The following EIF2S3 variants were observed in gnomAD, a reference collection of about 807,000 sequenced individuals.
The protein encoded by EIF2S3 is eukaryotic translation initiation factor 2 subunit 3.
A neutral mutation model predicts 31.7 loss-of-function variants in EIF2S3; 2 were observed. The observed-to-expected ratio is 0.06, with a 90% CI of 0.03 to 0.20. EIF2S3 has a LOEUF of 0.20. EIF2S3 is among the 10% of genes least tolerant of loss of function. The pLI is 1.00. For missense variants in EIF2S3, 96 were observed against 359.3 expected (o/e 0.27, Z 5.92); for synonymous variants, 120 against 126.7 (o/e 0.95, Z 0.36).
In EIF2S3 at chrX:24,074,862, C is replaced by CTTTT. The variant is rs758813480; in HGVS notation, c.1355+1617_1355+1620dup. The stretch of plus-strand genomic sequence containing the variant: ...GTACTCATCATTTTTTTTTCTTCTT[C>CTTTT]TTTTTTTTTTTTTTTTTTTTTGAGA... On this transcript the variant is annotated intron_variant, in intron 11 of 11. Coordinates refer to ENST00000253039, the MANE Select transcript of EIF2S3 (RefSeq NM_001415.4). Among the ~76,000 whole-genome samples the CTTTT allele has an allele frequency of 3.7e-3, 177 of 47,417 alleles. 5 individuals are homozygous for CTTTT. The highest frequency in any genetic ancestry group is 5.0e-3 in the Admixed American group (12 of 2,397). 41.2% of individuals were successfully genotyped at this position (47,417 alleles called of 115,157 possible). A position where few individuals can be genotyped will look rare whatever the true frequency, so the allele number is the denominator to read the frequency against.
chrX:24,054,965 C>T lies in EIF2S3; in HGVS notation c.-4C>T, dbSNP rs1004074111. On this transcript the variant is annotated 5_prime_UTR_variant, in exon 1 of 12. Coordinates refer to ENST00000253039, the MANE Select transcript of EIF2S3 (RefSeq NM_001415.4). ...CGGGGTGATTTCCTTCCTCTTTTGGCAACATGGCGGGCGGAGAAGCTGGAG... is the reference window on the plus strand; with the variant it reads ...CGGGGTGATTTCCTTCCTCTTTTGGTAACATGGCGGGCGGAGAAGCTGGAG... 3.3e-6 allele frequency: 4 copies of T among 1,209,789 alleles called. No homozygotes were observed. The highest frequency in any genetic ancestry group is 4.5e-6 in the Non-Finnish European group (4 of 895,104).
In EIF2S3 at chrX:24,054,996, C is replaced by T. The variant is rs148505917; in HGVS notation, c.28C>T (p.Leu10=). 2.5e-4 allele frequency: 303 copies of T among 1,209,117 alleles called. No homozygotes were observed. Among genetic ancestry groups the T allele is most frequent in the Middle Eastern group, 1.6e-3 (7 of 4,365 alleles). Residue 10 remains leucine, a synonymous_variant, in exon 1 of 12, where the codon CTA becomes TTA. Transcript: ENST00000253039. MAGGEAGVT[L]GQPHLSRQDL... The stretch of plus-strand genomic sequence containing the variant: ...GGCGGGCGGAGAAGCTGGAGTGACT[C>T]TAGGGCAGCCGCATCTTTCGCGTCA...
chrX:24,071,479 T>C, intron 9 of EIF2S3, 79 bp from the exon 10 acceptor site: 1 of 1,068,475 alleles, frequency 9.4e-7, no homozygotes. Flanking sequence ...TGTGAGCCAC[T>C]GCACCTGGCC....
chrX:24,068,460 T>G (rs75242771), intron 9 of EIF2S3, among the ~76,000 whole-genome samples: 2 of 110,879 alleles, frequency 1.8e-5, no homozygotes, highest in Non-Finnish European at 3.8e-5. Context: ...TTTTTTTTTT[T>G]GGGAGATGGA....
intron 4 of EIF2S3, 54 bp downstream of exon 4, chrX:24,057,808 T>C: frequency 8.8e-7 from 1 of 1,138,531 alleles, no homozygotes; most frequent in Non-Finnish European, 1.2e-6. Flanking sequence ...GTCTTCTGTT[T>C]TGTGCTTTTT....
At position 24,078,170 on chromosome X, in the gene EIF2S3, C is replaced by T. The variant is rs748006785; in HGVS notation, c.*1385C>T. ...CCTCCCATGTAGCTGATATTACAGG[C>T]ACTTGCCACCATACCCGGCTAATTT... is the stretch of plus-strand genomic sequence containing the variant. On this transcript the variant is annotated 3_prime_UTR_variant, in exon 12 of 12. Transcript: ENST00000253039. Among the ~76,000 whole-genome samples, 9 of 110,460 alleles carry T rather than the reference C, an allele frequency of 8.1e-5. No homozygotes were observed. The highest frequency in any genetic ancestry group is 3.9e-4 in the South Asian group (1 of 2,590).
Position 24,076,926 on chromosome X carries a change from C to CTTTTTTTT in EIF2S3, c.*155_*162dup, listed in dbSNP as rs879230822. 9.5e-4 allele frequency: 171 copies of CTTTTTTTT among 179,900 alleles called. 4 individuals are homozygous for CTTTTTTTT. The highest frequency in any genetic ancestry group is 8.6e-3 in the African/African-American group (159 of 18,543). 14.8% of individuals were successfully genotyped at this position (179,900 alleles called of 1,213,427 possible). Reference sequence around the variant, plus strand: ...TAGTAGGTAACGGTAAGGTTATTCTCTTTTTTTTTTTTTTTTTTTTTGGTT... The same window carrying CTTTTTTTT: ...TAGTAGGTAACGGTAAGGTTATTCTCTTTTTTTTTTTTTTTTTTTTTTTTTTTTTGGTT... On this transcript the variant is annotated 3_prime_UTR_variant, in exon 12 of 12. Transcript: ENST00000253039.
At chrX:24,068,408 TG>T (rs1274431942) in intron 9 of EIF2S3, among the ~76,000 whole-genome samples, 2 of 111,874 alleles carry the variant, frequency 1.8e-5, no homozygotes, top group Non-Finnish European at 3.8e-5. Flanking sequence ...CCTACACTTA[TG>T]TTTTTGTTAA....
chrX:24,070,439 G>GTTTTTTT (rs768908773), intron 9 of EIF2S3, among the ~76,000 whole-genome samples: 9 of 50,976 alleles, frequency 1.8e-4, no homozygotes, highest in African/African-American at 5.1e-4. Flanking sequence ...ATCATATGTA[G>GTTTTTTT]TTTTTTTTTT....
intron 9 of EIF2S3, among the ~76,000 whole-genome samples, chrX:24,071,208 G>A (rs1441565535): frequency 1.2e-5 from 1 of 85,314 alleles, no homozygotes; most frequent in African/African-American, 4.4e-5. Context: ...TTTTTTTTTT[G>A]GAGACAGAGT....
In EIF2S3 at chrX:24,071,628, C is replaced by T. The variant is rs750834999; in HGVS notation, c.1083C>T (p.Val361=). 4.1e-5 allele frequency: 49 copies of T among 1,209,036 alleles called. 1 individual carries two copies. The African/African-American group carries it at 6.3e-4, about 16-fold the overall frequency. Residue 361 remains valine, a synonymous_variant, in exon 10 of 12, where the codon GTC becomes GTT. Coordinates refer to ENST00000253039, the MANE Select transcript of EIF2S3 (RefSeq NM_001415.4). ...DRMVGQVLGA[V]GALPEIFTEL... ...TGGTGGGGCAAGTACTTGGTGCAGT[C>T]GGAGCTTTACCTGAGATATTCACAG...
chrX:24,074,314 TCTTAA>T (rs754977373), intron 11 of EIF2S3, among the ~76,000 whole-genome samples: 14 of 112,383 alleles, frequency 1.2e-4, no homozygotes, highest in Admixed American at 3.8e-4. Flanking sequence ...AGTTATATAT[TCTTAA>T]CTTAAATACA....
intron 4 of EIF2S3, among the ~76,000 whole-genome samples, chrX:24,059,603 A>G (rs1930460624): frequency 9.1e-6 from 1 of 110,481 alleles, no homozygotes; most frequent in South Asian, 3.8e-4. Flanking sequence ...TTGTATTTTT[A>G]TTAGAGACCG....
In EIF2S3 at chrX:24,076,640, G is replaced by A. The variant is rs141517629; in HGVS notation, c.1356-82G>A. 5.1e-3 allele frequency: 4,984 copies of A among 981,361 alleles called. 100 individuals carry two copies. In the African/African-American group the frequency reaches 0.067, roughly 13 times the overall value. 80.9% of individuals were successfully genotyped at this position (981,361 alleles called of 1,213,427 possible). A position where few individuals can be genotyped will look rare whatever the true frequency, so the allele number is the denominator to read the frequency against. ...CAAATTTGAATTCAGAAGATAAGCA[G>A]GTAAAATTTATCACAAGATTGTGTG... On this transcript the variant is annotated intron_variant, in intron 11 of 11. Transcript: ENST00000253039.
intron 6 of EIF2S3, 64 bp from the exon 7 acceptor site, chrX:24,064,137 C>A: frequency 1.0e-6 from 1 of 965,049 alleles, no homozygotes; most frequent in Non-Finnish European, 1.4e-6. Flanking sequence ...TTTTATGTAA[C>A]AGATACATAG....
At chrX:24,061,931 C>T (rs1930498786) in intron 5 of EIF2S3, among the ~76,000 whole-genome samples, 1 of 111,191 alleles carries the variant, frequency 9.0e-6, no homozygotes, top group African/African-American at 3.3e-5. Flanking sequence ...AAGCTTCTTG[C>T]TTAGGACCAG....
At chrX:24,055,362 C>G (rs1930385388) in intron 1 of EIF2S3, among the ~76,000 whole-genome samples, 1 of 111,360 alleles carries the variant, frequency 9.0e-6, no homozygotes, top group African/African-American at 3.3e-5. Context: ...GCTAATGTTC[C>G]CAAGATTGGG....
intron 7 of EIF2S3, 63 bp from the exon 8 acceptor site, chrX:24,065,935 G>T: frequency 9.9e-7 from 1 of 1,014,981 alleles, no homozygotes; most frequent in Non-Finnish European, 1.4e-6. Context: ...ACATTAACAT[G>T]GAAAATAATA....
intron 4 of EIF2S3, among the ~76,000 whole-genome samples, chrX:24,059,156 C>T (rs924766214): frequency 3.6e-5 from 4 of 112,331 alleles, no homozygotes; most frequent in Non-Finnish European, 5.6e-5. Context: ...TTCAGCTTTG[C>T]AAGCCATAGA....
Sources: gnomAD v4.1 joint callset for allele counts (sites outside exome capture counted in the v4.1 genomes callset) on GRCh38, gnomAD v4.1.1 for gene constraint, MANE v1.5 for transcripts, NCBI Gene and HGNC (gene_info 2026-07-23, HGNC 2026-07-21) for gene names.